CSF3R: variants seen among roughly 807,000 people sequenced by gnomAD.
The protein encoded by CSF3R is colony stimulating factor 3 receptor.
In CSF3R, 52 loss-of-function variants were observed where a neutral mutation model predicts 84.4. The observed-to-expected ratio is 0.62, with a 90% CI of 0.49 to 0.78. The LOEUF (loss-of-function observed/expected upper bound fraction) is 0.78. CSF3R is among the 30% of genes least tolerant of loss of function. The pLI, the probability that CSF3R is intolerant of heterozygous loss-of-function variation, is 0.00. For synonymous variants in CSF3R, 384 were observed against 429.1 expected (o/e 0.89, Z 1.30); for missense variants, 890 against 1,055.7 (o/e 0.84, Z 2.17).
rs1347241074 is a variant in CSF3R at position 36,466,777 on chromosome 1, T to C, written c.2091A>G (p.Thr697=). The C allele has an allele frequency of 1.9e-6, 3 of 1,614,022 alleles. No homozygotes were observed. In the Admixed American group the frequency reaches 5.0e-5, roughly 27 times the overall value. ...GCTTCTTTTCATCCTCCTCCAGCACTGTGAGCTTGGTGATGGGTGGCGTGC... is the reference window on the plus strand; with the variant it reads ...GCTTCTTTTCATCCTCCTCCAGCACCGTGAGCTTGGTGATGGGTGGCGTGC... The part of the protein sequence containing the change: ...GLGTPPITKL[T]VLEEDEKKPV... The change falls in exon 17 of 17, where the codon ACA becomes ACG. Residue 697 remains threonine (T), a synonymous_variant. Transcript: ENST00000373106. The surrounding 1 kb of genome is among the most constrained non-coding windows in gnomAD (Gnocchi z 4.6).
In CSF3R at chr1:36,473,814, C is replaced by T. The variant is rs1178287024; in HGVS notation, c.435G>A (p.Glu145=). 4 of 1,614,244 alleles carry T rather than the reference C, an allele frequency of 2.5e-6. No individual in the cohort carries two copies. Among genetic ancestry groups the T allele is most frequent in the Non-Finnish European group, 3.4e-6 (4 of 1,180,034 alleles). Residue 145 remains glutamate (E), a synonymous_variant, in exon 5 of 17, where the codon GAG becomes GAA. Coordinates refer to ENST00000373106, the MANE Select transcript of CSF3R (RefSeq NM_000760.4). ...LTTSSLICQW[E]PGPETHLPTS... is the part of the protein sequence containing the mutation. ...TGGGTAGGTGGGTCTCAGGTCCTGGCTCCCACTGGCAGATGAGGCTGCTGG... is the reference window on the plus strand; with the variant it reads ...TGGGTAGGTGGGTCTCAGGTCCTGGTTCCCACTGGCAGATGAGGCTGCTGG...
In CSF3R at chr1:36,469,593, C is replaced by G. The variant is rs1439259175; in HGVS notation, c.1474+59G>C. On this transcript the variant is annotated intron_variant, in intron 11 of 16. Transcript: ENST00000373106. ...GTTCAGGTTGTCCCATGCCTATTGT[C>G]AGATAAGCACTGCCTCCCTTTGTCC... 4.6e-5 allele frequency: 73 copies of G among 1,595,668 alleles called. No homozygotes were observed. In the East Asian group the frequency reaches 1.6e-3, roughly 34 times the overall value.
chr1:36,475,205 C>G (rs1651048981), intron 4 of CSF3R, among the ~76,000 whole-genome samples, 172 bp downstream of exon 4: 1 of 152,122 alleles, frequency 6.6e-6, no homozygotes, highest in Non-Finnish European at 1.5e-5. Flanking sequence ...CGGGGTTTCG[C>G]CTTGCTGGCC....
At position 36,472,399 on chromosome 1, in the gene CSF3R, G is replaced by T. The variant is rs200218331; in HGVS notation, c.844-8C>A. On this transcript the variant is annotated splice_region_variant and splice_polypyrimidine_tract_variant and intron_variant, in intron 7 of 16. Coordinates refer to ENST00000373106, the MANE Select transcript of CSF3R (RefSeq NM_000760.4). The surrounding 1 kb of genome is among the most constrained non-coding windows in gnomAD (Gnocchi z 5.0). ...CAAGGGGAGGGGGCCCACCTGGTGA[G>T]GGGTGGACAGGACTCTGAGCCTTGG... is the stretch of plus-strand genomic sequence containing the variant. The T allele has an allele frequency of 9.9e-6, 16 of 1,613,774 alleles. No individual in the cohort carries two copies. The highest frequency in any genetic ancestry group is 1.4e-5 in the Non-Finnish European group (16 of 1,179,994).
At chr1:36,478,054 G>A (rs3917933) in intron 3 of CSF3R, among the ~76,000 whole-genome samples, 50,244 of 151,624 alleles carry the variant, frequency 0.33, 9,213 homozygotes, top group Admixed American at 0.45. Flanking sequence ...CACCGCGCCC[G>A]GCCCAGACTC....
chr1:36,475,937 T>G, intron 3 of CSF3R: 1 of 430,764 alleles, frequency 2.3e-6, no homozygotes, highest in Non-Finnish European at 4.2e-6. Context: ...CTTTCCGCGG[T>G]GTAAGTGCTC....
intron 4 of CSF3R, 124 bp from the exon 5 acceptor site, chr1:36,474,011 C>T: frequency 6.9e-7 from 1 of 1,443,346 alleles, no homozygotes; most frequent in Non-Finnish European, 9.7e-7. Context: ...TGTCTGTCCC[C>T]CTGTCTCCAG....
At chr1:36,468,835 A>T in intron 12 of CSF3R, 1 of 357,052 alleles carries the variant, frequency 2.8e-6, no homozygotes, top group Non-Finnish European at 5.4e-6. Context: ...TGTTAGGATT[A>T]CAGGTGTGAG....
chr1:36,471,505 C>T lies in CSF3R; in HGVS notation c.1213G>A (p.Glu405Lys), dbSNP rs3918019. ...GAGTTATAGGCCACAAGGGCCACCT[C>T]CTGGGCTTCTGAAGGCAGGTGGAAG... ...CTFHLPSEAQEVALVAYNSAG... is the reference protein window; with the variant it reads ...CTFHLPSEAQKVALVAYNSAG... The change falls in exon 10 of 17, where the codon GAG (glutamate) becomes AAG (lysine). Residue 405 changes from glutamate (E) to lysine (K), a missense_variant. Transcript: ENST00000373106. 4.4e-3 allele frequency: 7,120 copies of T among 1,614,232 alleles called. 25 individuals carry two copies. The highest frequency in any genetic ancestry group is 4.4e-3 in the Non-Finnish European group (5,214 of 1,180,044).
intron 4 of CSF3R, 46 bp from the exon 5 acceptor site, chr1:36,473,933 CAGAA>C: frequency 6.2e-7 from 1 of 1,612,652 alleles, no homozygotes; most frequent in Non-Finnish European, 8.5e-7. Flanking sequence ...TGGGACCACT[CAGAA>C]AGCTTCCTCT....
intron 3 of CSF3R, chr1:36,477,715 AG>A (rs1651245239): frequency 6.6e-6 from 1 of 151,938 alleles, no homozygotes; most frequent in African/African-American, 2.4e-5. Context: ...TCACAGAGCA[AG>A]TTCATGATTC....
chr1:36,468,277 G>A (rs1570579915), intron 12 of CSF3R, 56 bp from the exon 13 acceptor site: 3 of 1,512,592 alleles, frequency 2.0e-6, no homozygotes, highest in East Asian at 2.3e-5. Context: ...CAAGAGCCCG[G>A]TTGGACTTCT....
intron 3 of CSF3R, 70 bp from the exon 4 acceptor site, chr1:36,475,743 T>C: frequency 2.7e-6 from 4 of 1,472,298 alleles, no homozygotes; most frequent in Non-Finnish European, 3.7e-6. Context: ...TCTAGGCCTT[T>C]GTACTCCTAG....
chr1:36,466,984 A>T lies in CSF3R; in HGVS notation c.2041-157T>A. 2 of 1,549,646 alleles carry T rather than the reference A, an allele frequency of 1.3e-6. No homozygotes were observed. The highest frequency in any genetic ancestry group is 1.7e-4 in the Middle Eastern group (1 of 5,952). On this transcript the variant is annotated intron_variant, in intron 16 of 16. Transcript: ENST00000373106. This position sits in a 1 kb window ranked among gnomAD's most constrained non-coding sequence, Gnocchi z 4.6. ...TGCAAAGCACTAGTATGTTCCTCAC[A>T]CATGCCTGACACATGCCATGCACCG... is the stretch of plus-strand genomic sequence containing the variant.
rs559855539 is a variant in CSF3R at position 36,475,303 on chromosome 1, G to A, written c.361+74C>T. ...AATACAGGCGTGAGCCAACGTGCCC[G>A]GCTGGTAATATTCTTATTAGTATTG... On this transcript the variant is annotated intron_variant, in intron 4 of 16. Transcript: ENST00000373106. 229 of 1,582,198 alleles carry A rather than the reference G, an allele frequency of 1.4e-4. 1 individual carries two copies. The East Asian group carries it at 3.9e-3, about 27-fold the overall frequency.
intron 10 of CSF3R, 95 bp downstream of exon 10, chr1:36,471,338 C>G: frequency 7.9e-7 from 1 of 1,261,000 alleles, no homozygotes; most frequent in Non-Finnish European, 1.2e-6. Context: ...TGAGCCACTG[C>G]GCCCGGCCAA....
At chr1:36,478,813 T>A (rs926207199) in intron 3 of CSF3R, 1 of 184,146 alleles carries the variant, frequency 5.4e-6, no homozygotes, top group Non-Finnish European at 1.2e-5. Flanking sequence ...ATTGTGCCAC[T>A]GCACTCCAGC....
At position 36,473,842 on chromosome 1, in the gene CSF3R, G is replaced by C; in HGVS notation, c.407C>G (p.Thr136Arg). 6.2e-7 allele frequency: 1 copy of C among 1,614,254 alleles called. No homozygotes were observed. Among genetic ancestry groups the C allele is most frequent in the Non-Finnish European group, 8.5e-7 (1 of 1,180,040 alleles). Residue 136 changes from threonine to arginine, a missense_variant, in exon 5 of 17, where the codon ACA (threonine) becomes AGA (arginine). Thr to Arg is a moderately conservative substitution (Grantham distance 71). Transcript: ENST00000373106. ...CCACTGGCAGATGAGGCTGCTGGTT[G>C]TGAGGTTCATGAGGCAGGAGAGGTT... is the stretch of plus-strand genomic sequence containing the variant. ...PHNLSCLMNL[T>R]TSSLICQWEP...
At chr1:36,475,840 G>A (rs1052732250) in intron 3 of CSF3R, 167 bp from the exon 4 acceptor site, 11 of 651,882 alleles carry the variant, frequency 1.7e-5, no homozygotes, top group South Asian at 4.1e-5. Context: ...GAGAGGCTAC[G>A]GGGGTGACAC....
Sources: allele counts gnomAD v4.1 joint callset (sites outside exome capture counted in the v4.1 genomes callset), GRCh38; gene constraint gnomAD v4.1.1; non-coding constraint Gnocchi (gnomAD v3.1); transcripts MANE v1.5; gene names NCBI Gene and HGNC (gene_info 2026-07-23, HGNC 2026-07-21).